PCDHGA5: variants seen among roughly 807,000 people sequenced by gnomAD.
PCDHGA5 encodes the protein protocadherin gamma-A5.
Under a neutral mutation model 56.7 loss-of-function variants are expected in PCDHGA5, and 36 were observed. The observed-to-expected ratio is 0.64, with a 90% CI of 0.49 to 0.84. PCDHGA5 has a LOEUF of 0.84. Ranked by LOEUF, PCDHGA5 falls within the 40% of genes least tolerant of loss-of-function variation. The probability of loss-of-function intolerance (pLI) is 0.00; values close to 1 mark genes in which losing one functional copy is unlikely to be tolerated. For synonymous variants in PCDHGA5, 563 were observed against 520.2 expected (o/e 1.08, Z -1.12); for missense variants, 1,305 against 1,201.5 (o/e 1.09, Z -1.27).
chr5:141,384,753 G>A, intron 1 of PCDHGA5: 2 of 1,614,010 alleles, frequency 1.2e-6, no homozygotes, highest in Non-Finnish European at 1.7e-6. Flanking sequence ...GACTCTTTGC[G>A]GTTGGGCTGT....
At position 141,477,591 on chromosome 5, in the gene PCDHGA5, T is replaced by C; in HGVS notation, c.2422-17216T>C. On this transcript the variant is annotated intron_variant, in intron 1 of 3. Coordinates refer to ENST00000518069, the MANE Select transcript of PCDHGA5 (RefSeq NM_018918.3). This position sits in a 1 kb window ranked among gnomAD's most constrained non-coding sequence, Gnocchi z 4.9. Reference sequence around the variant, plus strand: ...CCCGACGCCCCGCAGAATGCTCGGCTTTCTTTCTTTCTCTTGGAGCAAGGA... The same window carrying C: ...CCCGACGCCCCGCAGAATGCTCGGCCTTCTTTCTTTCTCTTGGAGCAAGGA... The C allele has an allele frequency of 6.2e-7, 1 of 1,614,136 alleles. No homozygotes were observed. The highest frequency in any genetic ancestry group is 8.5e-7 in the Non-Finnish European group (1 of 1,180,016).
rs1053132512 is a variant in PCDHGA5 at position 141,409,714 on chromosome 5, C to A, written c.2421+42963C>A. The A allele has an allele frequency of 3.7e-6, 6 of 1,613,108 alleles. No individual in the cohort carries two copies. The African/African-American group carries it at 8.0e-5, about 22-fold the overall frequency. On this transcript the variant is annotated intron_variant, in intron 1 of 3. Transcript: ENST00000518069. ...TAGAGCCCCTGGCGGTGTCGTCATACGTGTCAGTGAGCGCGCAGAGCGGGG... is the reference window on the plus strand; with the variant it reads ...TAGAGCCCCTGGCGGTGTCGTCATAAGTGTCAGTGAGCGCGCAGAGCGGGG...
At chr5:141,414,703 T>C in intron 1 of PCDHGA5, 1 of 1,613,994 alleles carries the variant, frequency 6.2e-7, no homozygotes. Flanking sequence ...CTCATACATA[T>C]CCATCAACTC....
At chr5:141,414,422 G>T (rs369608304) in intron 1 of PCDHGA5, 1 of 1,613,866 alleles carries the variant, frequency 6.2e-7, no homozygotes, top group Non-Finnish European at 8.5e-7. Context: ...GCCCTTGACA[G>T]GGAACAGGTA....
intron 1 of PCDHGA5, chr5:141,378,252 C>A (rs939045432): frequency 6.6e-6 from 1 of 152,178 alleles, no homozygotes; most frequent in Admixed American, 6.5e-5. Context: ...TGGCCGGGTG[C>A]GGTGGCTCAT....
chr5:141,491,109 A>G lies in PCDHGA5; in HGVS notation c.2422-3698A>G, dbSNP rs1039906987. 4.3e-6 allele frequency: 7 copies of G among 1,614,074 alleles called. No individual in the cohort carries two copies. The African/African-American group carries it at 9.3e-5, about 22-fold the overall frequency. ...CCCCAGGACTGTTCCTCGTGTCTAC[A>G]CACACTGGTGAGGTGCGCACAGCCC... On this transcript the variant is annotated intron_variant, in intron 1 of 3. Coordinates refer to ENST00000518069, the MANE Select transcript of PCDHGA5 (RefSeq NM_018918.3). The surrounding 1 kb of genome is among the most constrained non-coding windows in gnomAD (Gnocchi z 6.9).
chr5:141,399,602 T>G, intron 1 of PCDHGA5: 1 of 1,613,956 alleles, frequency 6.2e-7, no homozygotes, highest in South Asian at 1.1e-5. Context: ...GCCAGCGACC[T>G]AGAGCCTCTG....
intron 1 of PCDHGA5, chr5:141,404,727 T>G (rs762980421): frequency 6.2e-7 from 1 of 1,613,912 alleles, no homozygotes; most frequent in Non-Finnish European, 8.5e-7. Flanking sequence ...ACCAAGGTGG[T>G]GGCAGTGGAC....
At chr5:141,510,695 C>T (rs1023505006) in intron 3 of PCDHGA5, among the ~76,000 whole-genome samples, 1 of 152,166 alleles carries the variant, frequency 6.6e-6, no homozygotes, top group Non-Finnish European at 1.5e-5. Context: ...GTTAGGTAGA[C>T]TTGCCCAGGA....
Position 141,431,420 on chromosome 5 carries a change from G to C in PCDHGA5, c.2422-63387G>C, listed in dbSNP as rs780266425. The C allele has an allele frequency of 8.1e-6, 13 of 1,613,592 alleles. No individual in the cohort carries two copies. Among genetic ancestry groups the C allele is most frequent in the East Asian group, 2.2e-5 (1 of 44,902 alleles). ...TACGGCCTCCGACGGGGGCGACCCG[G>C]TGCGCACAGGCACCGCGCGCATCCG... is the stretch of plus-strand genomic sequence containing the variant. On this transcript the variant is annotated intron_variant, in intron 1 of 3. Transcript: ENST00000518069. This position sits in a 1 kb window ranked among gnomAD's most constrained non-coding sequence, Gnocchi z 4.8.
Position 141,414,535 on chromosome 5 carries a change from C to T in PCDHGA5, c.2421+47784C>T, listed in dbSNP as rs2095756820. The T allele has an allele frequency of 6.2e-7, 1 of 1,613,962 alleles. No individual in the cohort carries two copies. On this transcript the variant is annotated intron_variant, in intron 1 of 3. Coordinates refer to ENST00000518069, the MANE Select transcript of PCDHGA5 (RefSeq NM_018918.3). The stretch of plus-strand genomic sequence containing the variant: ...AGTGGCAGATATCAATGACAACCCA[C>T]CTACCTTCTCTCAAGTCTCCTACTT...
At chr5:141,406,189 C>G (rs1277183811) in intron 1 of PCDHGA5, among the ~76,000 whole-genome samples, 1 of 151,722 alleles carries the variant, frequency 6.6e-6, no homozygotes, top group Admixed American at 6.6e-5. Context: ...CCTCCCACCT[C>G]AGCCTTCACA....
rs530963064 is a variant in PCDHGA5, at chr5:141,404,506, C to G, written c.2421+37755C>G. ...ACACTGGTGTGCTGTATGCTCTGTG[C>G]TCCTTTGACTATGAGCAGTTTAGAG... is the stretch of plus-strand genomic sequence containing the variant. On this transcript the variant is annotated intron_variant, in intron 1 of 3. Coordinates refer to ENST00000518069, the MANE Select transcript of PCDHGA5 (RefSeq NM_018918.3). The G allele has an allele frequency of 3.2e-5, 52 of 1,613,814 alleles. No individual in the cohort carries two copies. Among genetic ancestry groups the G allele is most frequent in the Non-Finnish European group, 4.3e-5 (51 of 1,179,838 alleles).
Position 141,365,232 on chromosome 5 carries a change from T to A in PCDHGA5, c.902T>A (p.Ile301Asn), listed in dbSNP as rs762059066. The change falls in exon 1 of 4, where the codon ATC (isoleucine) becomes AAC (asparagine). Residue 301 changes from isoleucine (I) to asparagine (N), a missense_variant. Transcript: ENST00000518069. ...CAACTTGATTCCAACCTGGGGGAAA[T>A]CTCAACTCTACAATCACTGGACTAT... is the stretch of plus-strand genomic sequence containing the variant. ...TFQLDSNLGE[I>N]STLQSLDYEE... The A allele has an allele frequency of 1.2e-6, 2 of 1,613,878 alleles. No individual in the cohort carries two copies. The highest frequency in any genetic ancestry group is 4.5e-5 in the East Asian group (2 of 44,876).
At position 141,364,772 on chromosome 5, in the gene PCDHGA5, G is replaced by T. The variant is rs764374918; in HGVS notation, c.442G>T (p.Ala148Ser). The part of the protein sequence containing the change: ...LKVKVNENAA[A>S]GTRLVLPFAR... ...AGTAAAAGTTAATGAAAATGCGGCT[G>T]CAGGGACACGGTTAGTGCTTCCCTT... Residue 148 changes from alanine to serine, a missense_variant, in exon 1 of 4, where the codon GCA (alanine) becomes TCA (serine). Ala to Ser is a moderately conservative substitution (Grantham distance 99, BLOSUM62 1). Coordinates refer to ENST00000518069, the MANE Select transcript of PCDHGA5 (RefSeq NM_018918.3). 1.1e-5 allele frequency: 17 copies of T among 1,613,860 alleles called. No homozygotes were observed. The highest frequency in any genetic ancestry group is 2.7e-5 in the African/African-American group (2 of 74,950).
At chr5:141,423,500 T>A (rs1191111288) in intron 1 of PCDHGA5, 1 of 1,613,732 alleles carries the variant, frequency 6.2e-7, no homozygotes, top group Non-Finnish European at 8.5e-7. Flanking sequence ...TCCCACGAGG[T>A]CTCTCTCATT....
intron 2 of PCDHGA5, among the ~76,000 whole-genome samples, chr5:141,497,894 A>AG (rs1562181617): frequency 2.0e-5 from 3 of 152,186 alleles, no homozygotes; most frequent in Admixed American, 6.5e-5. Context: ...GATCTAGTCC[A>AG]GTAACTTCAA....
At chr5:141,399,700 G>T (rs1354039219) in intron 1 of PCDHGA5, 1 of 1,613,422 alleles carries the variant, frequency 6.2e-7, no homozygotes. Flanking sequence ...GCGCACCTTC[G>T]AACTCACACT....
intron 1 of PCDHGA5, chr5:141,389,471 A>G: frequency 6.2e-7 from 1 of 1,613,210 alleles, no homozygotes; most frequent in Non-Finnish European, 8.5e-7. Flanking sequence ...TCGAACTCAC[A>G]CTGCAGGCCC....
Sources: allele counts gnomAD v4.1 joint callset (sites outside exome capture counted in the v4.1 genomes callset), GRCh38; gene constraint gnomAD v4.1.1; non-coding constraint Gnocchi (gnomAD v3.1); transcripts MANE v1.5; gene names NCBI Gene and HGNC (gene_info 2026-07-23, HGNC 2026-07-21).